The following MAFF variants were observed in gnomAD, a reference collection of about 807,000 sequenced individuals.
MAFF encodes the protein MAF bZIP transcription factor F.
A neutral mutation model predicts 2.7 loss-of-function variants in MAFF; 4 were observed. The ratio of observed to expected loss-of-function variants is 1.48; its 90% CI spans 0.73 to 3.39. The LOEUF (loss-of-function observed/expected upper bound fraction) is 3.39, where lower values mean the gene tolerates loss of function less well. Among genes scored for constraint, MAFF ranks in the 30% most tolerant of loss-of-function variants. The pLI is 0.01. For missense variants in MAFF, 190 were observed against 246.6 expected, an observed-to-expected ratio of 0.77 and a Z score of 1.54; for synonymous variants, 113 against 119.4, an observed-to-expected ratio of 0.95 and a Z score of 0.35.
At chr22:38,212,234 G>T (rs2064104) in intron 1 of MAFF, among the ~76,000 whole-genome samples, 1 of 152,168 alleles carries the variant, frequency 6.6e-6, no homozygotes, top group East Asian at 1.9e-4. Flanking sequence ...CTCCTGAACT[G>T]AGGTGATCTG....
Position 38,214,930 on chromosome 22 carries a change from C to T in MAFF, c.*52C>T. 1 of 1,379,496 alleles carries T rather than the reference C, an allele frequency of 7.2e-7. No individual in the cohort carries two copies. Among genetic ancestry groups the T allele is most frequent in the East Asian group, 2.7e-5 (1 of 36,624 alleles). 85.5% of individuals were successfully genotyped at this position (1,379,496 alleles called of 1,614,324 possible). A position where few individuals can be genotyped will look rare whatever the true frequency, so the allele number is the denominator to read the frequency against. On this transcript the variant is annotated 3_prime_UTR_variant, in exon 3 of 3. Coordinates refer to ENST00000338483, the MANE Select transcript of MAFF (RefSeq NM_012323.4). The surrounding 1 kb of genome is among the most constrained non-coding windows in gnomAD (Gnocchi z 6.3). Reference sequence around the variant, plus strand: ...CGCCCCTCCGGCCTCAGCTCCCTCCCCAAAGTGCCTGAGCGCCGCCTCTGT... The same window carrying T: ...CGCCCCTCCGGCCTCAGCTCCCTCCTCAAAGTGCCTGAGCGCCGCCTCTGT...
At chr22:38,209,877 G>A (rs570808117) in intron 1 of MAFF, among the ~76,000 whole-genome samples, 4 of 151,846 alleles carry the variant, frequency 2.6e-5, no homozygotes, top group African/African-American at 9.7e-5. Flanking sequence ...GGATCGGTGA[G>A]GTTGACATGT....
At position 38,214,827 on chromosome 22, in the gene MAFF, T is replaced by C. The variant is rs2091133033; in HGVS notation, c.444T>C (p.Ser148=). The C allele has an allele frequency of 2.0e-6, 3 of 1,495,688 alleles. No homozygotes were observed. The highest frequency in any genetic ancestry group is 4.5e-5 in the Admixed American group (2 of 44,560). The allele number at this position is 1,495,688 out of a possible 1,614,324, so 92.7% of individuals were successfully genotyped here. ...TCAAGTCCACCCCGGGCTCGGGGTC[T>C]GGCCCCGCCCACGGCCCGGACCCCG... The part of the protein sequence containing the change: ...TIVKSTPGSG[S]GPAHGPDPAH... Residue 148 remains serine (S), a synonymous_variant, in exon 3 of 3, where the codon TCT becomes TCC. Transcript: ENST00000338483. This position sits in a 1 kb window ranked among gnomAD's most constrained non-coding sequence, Gnocchi z 6.3.
At position 38,214,905 on chromosome 22, in the gene MAFF, C is replaced by G. The variant is rs1001655403; in HGVS notation, c.*27C>G. 21 of 1,490,674 alleles carry G rather than the reference C, an allele frequency of 1.4e-5. No homozygotes were observed. In the African/African-American group the frequency reaches 2.4e-4, roughly 17 times the overall value. 92.3% of individuals were successfully genotyped at this position (1,490,674 alleles called of 1,614,324 possible). On this transcript the variant is annotated 3_prime_UTR_variant, in exon 3 of 3. Coordinates refer to ENST00000338483, the MANE Select transcript of MAFF (RefSeq NM_012323.4). This position sits in a 1 kb window ranked among gnomAD's most constrained non-coding sequence, Gnocchi z 6.3. ...GCCCGCCCCCGCCATGCCTCAGCCA[C>G]GCCCCTCCGGCCTCAGCTCCCTCCC...
Position 38,214,508 on chromosome 22 carries a change from G to A in MAFF, c.125G>A (p.Arg42His). The A allele has an allele frequency of 6.2e-7, 1 of 1,610,584 alleles. No individual in the cohort carries two copies. The highest frequency in any genetic ancestry group is 8.5e-7 in the Non-Finnish European group (1 of 1,179,690). Residue 42 changes from arginine to histidine, a missense_variant, in exon 3 of 3, where the codon CGC becomes CAC. Coordinates refer to ENST00000338483, the MANE Select transcript of MAFF (RefSeq NM_012323.4). This position sits in a 1 kb window ranked among gnomAD's most constrained non-coding sequence, Gnocchi z 6.3. ...LSVRELNRHL[R>H]GLSAEEVTRL... ...GTGCGCGAGCTGAACCGGCATCTGC[G>A]CGGGCTCTCCGCCGAGGAGGTGACA... is the stretch of plus-strand genomic sequence containing the variant.
chr22:38,205,137 T>C (rs2091042435), intron 1 of MAFF, among the ~76,000 whole-genome samples: 1 of 152,156 alleles, frequency 6.6e-6, no homozygotes, highest in Non-Finnish European at 1.5e-5. Context: ...GCTGGTGGTC[T>C]TGGAGCTCTG....
chr22:38,209,592 C>CA (rs1382815295), intron 1 of MAFF, among the ~76,000 whole-genome samples: 1 of 151,702 alleles, frequency 6.6e-6, no homozygotes, highest in Non-Finnish European at 1.5e-5. Context: ...GCAGGTGGAT[C>CA]ACCTGAGGTT....
At chr22:38,211,205 G>C (rs2091097514) in intron 1 of MAFF, among the ~76,000 whole-genome samples, 1 of 151,054 alleles carries the variant, frequency 6.6e-6, no homozygotes, top group East Asian at 2.0e-4. Context: ...GCTGAGGTTG[G>C]AGAAGGGATG....
In MAFF at chr22:38,215,060, C is replaced by A; in HGVS notation, c.*182C>A. The A allele has an allele frequency of 1.8e-6, 1 of 568,572 alleles. No individual in the cohort carries two copies. The highest frequency in any genetic ancestry group is 2.1e-5 in the South Asian group (1 of 47,004). 35.2% of individuals were successfully genotyped at this position (568,572 alleles called of 1,614,324 possible). A position where few individuals can be genotyped will look rare whatever the true frequency, so the allele number is the denominator to read the frequency against. On this transcript the variant is annotated 3_prime_UTR_variant, in exon 3 of 3. Coordinates refer to ENST00000338483, the MANE Select transcript of MAFF (RefSeq NM_012323.4). ...CCCCCCAAACTGGGACCGAATGACCCTGGGAAGGGGAACTTGGGTAGGTTG... is the reference window on the plus strand; with the variant it reads ...CCCCCCAAACTGGGACCGAATGACCATGGGAAGGGGAACTTGGGTAGGTTG...
At chr22:38,213,142 A>G (rs1423142702) in intron 1 of MAFF, among the ~76,000 whole-genome samples, 1 of 147,364 alleles carries the variant, frequency 6.8e-6, no homozygotes, top group Non-Finnish European at 1.5e-5. Context: ...GCGCCCCTGC[A>G]CTCCAGCCTG....
At chr22:38,213,685 T>C (rs761178179) in intron 1 of MAFF, 138 bp from the exon 2 acceptor site, 1 of 718,370 alleles carries the variant, frequency 1.4e-6, no homozygotes, top group Admixed American at 2.0e-5. Context: ...TGTGGACCAA[T>C]GTGGAGAGAG....
chr22:38,214,165 C>T lies in MAFF; in HGVS notation c.37-255C>T, dbSNP rs1247450959. Among the ~76,000 whole-genome samples the T allele has an allele frequency of 6.6e-6, 1 of 152,246 alleles. No homozygotes were observed. The highest frequency in any genetic ancestry group is 1.5e-5 in the Non-Finnish European group (1 of 68,040). On this transcript the variant is annotated intron_variant, in intron 2 of 2. Coordinates refer to ENST00000338483, the MANE Select transcript of MAFF (RefSeq NM_012323.4). This position sits in a 1 kb window ranked among gnomAD's most constrained non-coding sequence, Gnocchi z 6.3. ...CCCTGGGGCATTCAAAGGTGCTTTC[C>T]GACCTGGGTTTCTCTGGCTGAGTCC...
intron 1 of MAFF, chr22:38,205,691 G>A (rs2146011125): frequency 6.6e-6 from 1 of 152,398 alleles, no homozygotes; most frequent in East Asian, 1.9e-4. Flanking sequence ...AGGTGGTGGT[G>A]GCCGACATAG....
intron 1 of MAFF, among the ~76,000 whole-genome samples, chr22:38,209,390 T>C (rs1038324828): frequency 2.6e-5 from 4 of 152,096 alleles, no homozygotes; most frequent in African/African-American, 9.7e-5. Context: ...TTAATCTGGC[T>C]GGTGGCATGG....
chr22:38,214,692 G>A lies in MAFF; in HGVS notation c.309G>A (p.Glu103=), dbSNP rs1369536944. The A allele has an allele frequency of 3.2e-6, 5 of 1,543,194 alleles. No individual in the cohort carries two copies. In the South Asian group the frequency reaches 6.0e-5, roughly 18 times the overall value. ...GCGAGAACGCCGCCATGCGCCTGGA[G>A]CTCGACGCGCTGCGCGGCAAGTGCG... ...LARENAAMRL[E]LDALRGKCEA... Residue 103 remains glutamate, a synonymous_variant, in exon 3 of 3, where the codon GAG becomes GAA. Transcript: ENST00000338483. The surrounding 1 kb of genome is among the most constrained non-coding windows in gnomAD (Gnocchi z 6.3).
chr22:38,213,169 T>A (rs1454177685), intron 1 of MAFF, among the ~76,000 whole-genome samples: 4 of 126,128 alleles, frequency 3.2e-5, no homozygotes, highest in Non-Finnish European at 6.4e-5. Context: ...AGAGTGAGAC[T>A]CTGTCTCAAA....
chr22:38,214,692 G>T lies in MAFF; in HGVS notation c.309G>T (p.Glu103Asp). 6.5e-7 allele frequency: 1 copy of T among 1,543,194 alleles called. No individual in the cohort carries two copies. The highest frequency in any genetic ancestry group is 1.4e-5 in the African/African-American group (1 of 72,950). ...GCGAGAACGCCGCCATGCGCCTGGA[G>T]CTCGACGCGCTGCGCGGCAAGTGCG... is the stretch of plus-strand genomic sequence containing the variant. ...LARENAAMRL[E>D]LDALRGKCEA... The change falls in exon 3 of 3, where the codon GAG becomes GAT. Residue 103 changes from glutamate to aspartate, a missense_variant. Transcript: ENST00000338483. This position sits in a 1 kb window ranked among gnomAD's most constrained non-coding sequence, Gnocchi z 6.3.
rs183979019 is a variant in MAFF at position 38,204,417 on chromosome 22, C to T, written c.-32+2205C>T. On this transcript the variant is annotated intron_variant, in intron 1 of 2. Coordinates refer to ENST00000338483, the MANE Select transcript of MAFF (RefSeq NM_012323.4). ...GATAGAGTGGTGGTTGTCTGTGAAG[C>T]CCTTGAAGGCAGGAGCTGTGATTCA... Among the ~76,000 whole-genome samples, 4 of 152,232 alleles carry T rather than the reference C, an allele frequency of 2.6e-5. No homozygotes were observed. In the East Asian group the frequency reaches 5.8e-4, roughly 22 times the overall value.
chr22:38,206,011 G>C (rs2091048632), intron 1 of MAFF, among the ~76,000 whole-genome samples: 2 of 152,154 alleles, frequency 1.3e-5, no homozygotes, highest in Admixed American at 1.3e-4. Context: ...AGGGGGCTGA[G>C]GCTCGGACAG....
Sources: allele counts gnomAD v4.1 joint callset (sites outside exome capture counted in the v4.1 genomes callset), GRCh38; gene constraint gnomAD v4.1.1; non-coding constraint Gnocchi (gnomAD v3.1); transcripts MANE v1.5; gene names NCBI Gene and HGNC (gene_info 2026-07-23, HGNC 2026-07-21).